Variants in PCDH9 observed in about 807,000 individuals in gnomAD.
The protein encoded by PCDH9 is protocadherin-9.
Under a neutral mutation model 70.6 loss-of-function variants are expected in PCDH9, and 24 were observed. The observed-to-expected ratio is 0.34, with a 90% CI of 0.25 to 0.48. PCDH9 has a LOEUF of 0.48. Ranked by LOEUF, PCDH9 falls within the 20% of genes least tolerant of loss-of-function variation. The probability of loss-of-function intolerance (pLI) is 0.99; values close to 1 mark genes in which losing one functional copy is unlikely to be tolerated. For synonymous variants in PCDH9, 562 were observed against 558.5 expected, an observed-to-expected ratio of 1.01 and a Z score of -0.09; for missense variants, 1,281 against 1,503.6, an observed-to-expected ratio of 0.85 and a Z score of 2.45.
intron 4 of PCDH9, among the ~76,000 whole-genome samples, chr13:66,485,712 TTTTATTTATTCA>T (rs1263122896): frequency 2.0e-5 from 3 of 152,050 alleles, no homozygotes; most frequent in African/African-American, 7.2e-5. Context: ...TATTATTTCA[TTTTATTTATTCA>T]TTTATTTATT....
chr13:67,227,582 T>A lies in PCDH9; in HGVS notation c.859A>T (p.Ile287Phe). ...ACCTGGGCACCAAAAATGTACCGGA[T>A]TTCAGCATTACTGCCTATATCTGCA... ...TDADIGSNAE[I>F]RYIFGAQVAP... Residue 287 changes from isoleucine to phenylalanine, a missense_variant, in exon 2 of 5, where the codon ATC becomes TTC. Transcript: ENST00000377865. This position sits in a 1 kb window ranked among gnomAD's most constrained non-coding sequence, Gnocchi z 4.6. 6.2e-7 allele frequency: 1 copy of A among 1,614,148 alleles called. No homozygotes were observed. The highest frequency in any genetic ancestry group is 8.5e-7 in the Non-Finnish European group (1 of 1,179,996).
chr13:66,602,595 T>A (rs1220875235), intron 4 of PCDH9, among the ~76,000 whole-genome samples: 1 of 95,042 alleles, frequency 1.1e-5, no homozygotes, highest in Non-Finnish European at 2.3e-5. Context: ...AGCTAAGTGC[T>A]ATTACAAGAG....
At chr13:66,506,761 A>T (rs887913224) in intron 4 of PCDH9, among the ~76,000 whole-genome samples, 2 of 152,266 alleles carry the variant, frequency 1.3e-5, no homozygotes, top group Non-Finnish European at 1.5e-5. Context: ...TTTAAAATAA[A>T]AATGCAAATT....
chr13:66,533,086 C>T (rs149866179), intron 4 of PCDH9, among the ~76,000 whole-genome samples: 2 of 152,248 alleles, frequency 1.3e-5, no homozygotes, highest in East Asian at 1.9e-4. Context: ...CAGTTCAGTG[C>T]TGTTGGGATT....
At chr13:67,006,068 T>C (rs971108799) in intron 2 of PCDH9, among the ~76,000 whole-genome samples, 2 of 152,066 alleles carry the variant, frequency 1.3e-5, no homozygotes, top group East Asian at 1.9e-4. Context: ...CCATTAAATA[T>C]ACAAAAAAAT....
chr13:67,006,971 C>T (rs2084366343), intron 2 of PCDH9, among the ~76,000 whole-genome samples: 2 of 152,108 alleles, frequency 1.3e-5, no homozygotes, highest in South Asian at 4.1e-4. Context: ...TTTTAAAGAA[C>T]GGAAATTGAT....
At chr13:66,640,906 C>T (rs2077700381) in intron 3 of PCDH9, among the ~76,000 whole-genome samples, 1 of 151,708 alleles carries the variant, frequency 6.6e-6, no homozygotes, top group South Asian at 2.1e-4. Context: ...TATGGAGTCT[C>T]ACTCTGTCTC....
chr13:67,038,365 ATCACTAT>A (rs2085048898), intron 2 of PCDH9, among the ~76,000 whole-genome samples: 1 of 152,224 alleles, frequency 6.6e-6, no homozygotes, highest in African/African-American at 2.4e-5. Context: ...ATATTTTAAG[ATCACTAT>A]AGGCTTGAGA....
At chr13:66,621,462 C>G (rs1593790934) in intron 4 of PCDH9, among the ~76,000 whole-genome samples, 2 of 152,240 alleles carry the variant, frequency 1.3e-5, no homozygotes, top group East Asian at 1.9e-4. Flanking sequence ...AATCAAATAA[C>G]TGTACCTATT....
chr13:66,668,871 T>G (rs552939731), intron 3 of PCDH9, among the ~76,000 whole-genome samples: 9 of 152,302 alleles, frequency 5.9e-5, no homozygotes, highest in Non-Finnish European at 1.2e-4. Flanking sequence ...CTTTAACAAG[T>G]TTTACTCTTT....
In PCDH9 at chr13:66,980,261, A is replaced by G. The variant is rs1485780266; in HGVS notation, c.3037-76656T>C. On this transcript the variant is annotated intron_variant, in intron 2 of 4. Transcript: ENST00000377865. ...TCTTAATGCCTCTATCTCCCACACC[A>G]CCCCCATTCAATCCATCCAGAGATG... Among the ~76,000 whole-genome samples the G allele has an allele frequency of 2.6e-5, 4 of 151,324 alleles. No individual in the cohort carries two copies. The East Asian group carries it at 7.8e-4, about 29-fold the overall frequency.
intron 3 of PCDH9, among the ~76,000 whole-genome samples, chr13:66,645,057 T>C (rs1257377946): frequency 6.6e-6 from 1 of 152,044 alleles, no homozygotes; most frequent in Non-Finnish European, 1.5e-5. Flanking sequence ...ATCTGAGGCT[T>C]TACCAGCTGA....
chr13:66,676,073 C>A (rs558429398), intron 3 of PCDH9, among the ~76,000 whole-genome samples: 2 of 152,182 alleles, frequency 1.3e-5, no homozygotes, highest in African/African-American at 4.8e-5. Context: ...TTCTGTAACC[C>A]TGGATTTTGT....
At chr13:66,312,032 AGAATC>A (rs1955569947) in intron 4 of PCDH9, among the ~76,000 whole-genome samples, 1 of 152,192 alleles carries the variant, frequency 6.6e-6, no homozygotes, top group Non-Finnish European at 1.5e-5. Context: ...ATCTAAAATC[AGAATC>A]GATAGGAAAA....
At chr13:66,327,966 A>G (rs1034638132) in intron 4 of PCDH9, among the ~76,000 whole-genome samples, 5 of 152,168 alleles carry the variant, frequency 3.3e-5, no homozygotes, top group Admixed American at 2.6e-4. Flanking sequence ...CTGATTTGGT[A>G]TAATCTGACA....
At chr13:67,137,597 A>G (rs2087265108) in intron 2 of PCDH9, among the ~76,000 whole-genome samples, 1 of 152,218 alleles carries the variant, frequency 6.6e-6, no homozygotes, top group African/African-American at 2.4e-5. Context: ...ATGTAATTTT[A>G]TAATACATTT....
At chr13:66,685,916 G>A (rs1266449062) in intron 3 of PCDH9, among the ~76,000 whole-genome samples, 2 of 152,152 alleles carry the variant, frequency 1.3e-5, no homozygotes, top group Non-Finnish European at 2.9e-5. Context: ...ATTGTATCTA[G>A]GAAGTAACTA....
intron 4 of PCDH9, among the ~76,000 whole-genome samples, chr13:66,361,684 T>C (rs1156879551): frequency 8.5e-5 from 13 of 152,168 alleles, no homozygotes; most frequent in Admixed American, 7.9e-4. Context: ...TTGTATAAAT[T>C]CATCTATCTA....
intron 2 of PCDH9, among the ~76,000 whole-genome samples, chr13:67,137,218 C>T (rs999009002): frequency 1.3e-5 from 2 of 151,974 alleles, no homozygotes; most frequent in South Asian, 2.1e-4. Flanking sequence ...TCATTTTGTT[C>T]GGTAAATATT....
Sources: allele counts gnomAD v4.1 joint callset (sites outside exome capture counted in the v4.1 genomes callset), GRCh38; gene constraint gnomAD v4.1.1; non-coding constraint Gnocchi (gnomAD v3.1); transcripts MANE v1.5; gene names NCBI Gene and HGNC (gene_info 2026-07-23, HGNC 2026-07-21).